The following CSMD1 variants were observed in gnomAD, a reference collection of about 807,000 sequenced individuals.
CSMD1 encodes CUB and sushi domain-containing protein 1.
A neutral mutation model predicts 417.5 loss-of-function variants in CSMD1; 213 were observed. The observed-to-expected ratio is 0.51, with a 90% CI of 0.46 to 0.57. CSMD1 has a LOEUF of 0.57. Ranked by LOEUF, CSMD1 falls within the 20% of genes least tolerant of loss-of-function variation. The pLI, the probability that CSMD1 is intolerant of heterozygous loss-of-function variation, is 0.00. For synonymous variants in CSMD1, 2,862 were observed against 1,736.8 expected (o/e 1.65, Z -16.11); for missense variants, 6,923 against 4,529.7 (o/e 1.53, Z -15.17).
intron 3 of CSMD1, among the ~76,000 whole-genome samples, chr8:4,081,075 T>A (rs1441944529): frequency 1.3e-5 from 2 of 152,174 alleles, no homozygotes; most frequent in Non-Finnish European, 2.9e-5. Context: ...TCAGTAAGAA[T>A]GCAACACTTT....
At chr8:3,003,319 T>C (rs889865546) in intron 52 of CSMD1, among the ~76,000 whole-genome samples, 6 of 152,220 alleles carry the variant, frequency 3.9e-5, no homozygotes, top group African/African-American at 1.4e-4. Context: ...ATGCTTTGTA[T>C]GTGAGTTACC....
chr8:3,387,266 C>T (rs1364244786), intron 18 of CSMD1, among the ~76,000 whole-genome samples: 1 of 152,162 alleles, frequency 6.6e-6, no homozygotes. Flanking sequence ...TAAGTTTGTT[C>T]ATTCGGGGAT....
intron 2 of CSMD1, among the ~76,000 whole-genome samples, chr8:4,451,777 T>A (rs932210907): frequency 6.6e-6 from 1 of 152,012 alleles, no homozygotes; most frequent in Non-Finnish European, 1.5e-5. Flanking sequence ...TCAGTAGTAT[T>A]TGAGCAGGAT....
At chr8:4,260,730 T>G (rs750912832) in intron 3 of CSMD1, among the ~76,000 whole-genome samples, 3 of 152,180 alleles carry the variant, frequency 2.0e-5, no homozygotes, top group Non-Finnish European at 2.9e-5. Context: ...TCTTATAATA[T>G]TATCATACTT....
intron 2 of CSMD1, among the ~76,000 whole-genome samples, chr8:4,471,847 G>C (rs1800554416): frequency 6.6e-6 from 1 of 152,126 alleles, no homozygotes; most frequent in South Asian, 2.1e-4. Flanking sequence ...CAAGGAAGGT[G>C]TTTTCAATGA....
chr8:3,263,030 A>G (rs1208616478), intron 26 of CSMD1, among the ~76,000 whole-genome samples: 1 of 152,182 alleles, frequency 6.6e-6, no homozygotes, highest in Admixed American at 6.5e-5. Flanking sequence ...TGACCCATAA[A>G]TTCTCATTTT....
intron 3 of CSMD1, among the ~76,000 whole-genome samples, chr8:4,224,553 A>G (rs2128810117): frequency 6.6e-6 from 1 of 152,286 alleles, no homozygotes; most frequent in East Asian, 1.9e-4. Context: ...TCAAGGGAAG[A>G]GGAAGTCCCA....
At chr8:4,453,711 A>G (rs1227130613) in intron 2 of CSMD1, among the ~76,000 whole-genome samples, 1 of 151,794 alleles carries the variant, frequency 6.6e-6, no homozygotes, top group Non-Finnish European at 1.5e-5. Flanking sequence ...ATGCACAGGC[A>G]TCACAGCGGG....
At chr8:4,870,246 G>T (rs1014221371) in intron 1 of CSMD1, among the ~76,000 whole-genome samples, 2 of 151,990 alleles carry the variant, frequency 1.3e-5, no homozygotes, top group Non-Finnish European at 2.9e-5. Flanking sequence ...AGTAAAAACT[G>T]GAAACATCTA....
intron 3 of CSMD1, among the ~76,000 whole-genome samples, chr8:4,396,116 T>C (rs1323942352): frequency 7.1e-6 from 1 of 140,642 alleles, no homozygotes; most frequent in Non-Finnish European, 1.5e-5. Context: ...TTTTAAGTTT[T>C]ACTACTGTAA....
At chr8:4,167,651 G>A (rs1027589271) in intron 3 of CSMD1, among the ~76,000 whole-genome samples, 1 of 152,170 alleles carries the variant, frequency 6.6e-6, no homozygotes, top group East Asian at 1.9e-4. Context: ...GGAAGATACA[G>A]ATTGGCCACA....
At chr8:3,184,430 G>C (rs1469399523) in intron 36 of CSMD1, among the ~76,000 whole-genome samples, 1 of 152,154 alleles carries the variant, frequency 6.6e-6, no homozygotes, top group African/African-American at 2.4e-5. Flanking sequence ...GCAATGAGCA[G>C]ACCAACGGTG....
At chr8:3,321,339 G>A (rs1185536823) in intron 23 of CSMD1, among the ~76,000 whole-genome samples, 1 of 152,106 alleles carries the variant, frequency 6.6e-6, no homozygotes, top group Non-Finnish European at 1.5e-5. Flanking sequence ...GATGCTTTGT[G>A]CCGTAGTATT....
chr8:3,596,368 C>T (rs911377763), intron 8 of CSMD1, among the ~76,000 whole-genome samples: 1 of 152,192 alleles, frequency 6.6e-6, no homozygotes, highest in African/African-American at 2.4e-5. Context: ...TATTACTAAC[C>T]ACTCAGGTCA....
intron 5 of CSMD1, among the ~76,000 whole-genome samples, chr8:3,934,357 A>G (rs1318428869): frequency 6.6e-6 from 1 of 152,222 alleles, no homozygotes; most frequent in Non-Finnish European, 1.5e-5. Context: ...GGAGAAAAAT[A>G]CATATTTAGT....
At chr8:3,842,566 G>A (rs963144756) in intron 5 of CSMD1, among the ~76,000 whole-genome samples, 1 of 152,122 alleles carries the variant, frequency 6.6e-6, no homozygotes, top group Non-Finnish European at 1.5e-5. Flanking sequence ...GGACACAGTA[G>A]TAGAAATAAC....
chr8:3,440,416 T>C (rs1400509312), intron 12 of CSMD1, among the ~76,000 whole-genome samples: 2 of 152,200 alleles, frequency 1.3e-5, no homozygotes, highest in African/African-American at 4.8e-5. Flanking sequence ...GATTATAAAT[T>C]GTATTTTAAA....
intron 7 of CSMD1, among the ~76,000 whole-genome samples, chr8:3,688,208 C>G (rs901175261): frequency 1.3e-5 from 2 of 152,204 alleles, no homozygotes; most frequent in Non-Finnish European, 2.9e-5. Flanking sequence ...ATACTTGTTG[C>G]ATGCGTAAGT....
At chr8:3,086,999 C>T (rs891059372) in intron 49 of CSMD1, 98 bp downstream of exon 49, 12 of 1,124,918 alleles carry the variant, frequency 1.1e-5, no homozygotes, top group Middle Eastern at 3.0e-4. Flanking sequence ...TTTTCCTTAC[C>T]TTTTATTCTT....
Sources: gnomAD v4.1 joint callset for allele counts (sites outside exome capture counted in the v4.1 genomes callset) on GRCh38, gnomAD v4.1.1 for gene constraint, MANE v1.5 for transcripts, NCBI Gene and HGNC (gene_info 2026-07-23, HGNC 2026-07-21) for gene names.